The following ERBB4 variants were observed in gnomAD, a reference collection of about 807,000 sequenced individuals.
ERBB4 encodes the protein erb-b2 receptor tyrosine kinase 4, also known as receptor tyrosine-protein kinase erbB-4.
Under a neutral mutation model 158.0 loss-of-function variants are expected in ERBB4, and 42 were observed. The observed-to-expected ratio is 0.27, with a 90% CI of 0.21 to 0.34. The LOEUF is 0.34. Ranked by LOEUF, ERBB4 falls within the 10% of genes least tolerant of loss-of-function variation. ERBB4 has a pLI of 1.00. For missense variants in ERBB4, 1,333 were observed against 1,624.1 expected, an observed-to-expected ratio of 0.82 and a Z score of 3.08; for synonymous variants, 583 against 558.7, an observed-to-expected ratio of 1.04 and a Z score of -0.61.
chr2:212,192,047 T>TATTATATGTTATAA (rs1559707798), intron 1 of ERBB4, among the ~76,000 whole-genome samples: 3 of 87,484 alleles, frequency 3.4e-5, no homozygotes, highest in Non-Finnish European at 7.5e-5. Flanking sequence ...GTTATATATA[T>TATTATATGTTATAA]GTTATATGTT....
intron 20 of ERBB4, among the ~76,000 whole-genome samples, chr2:211,441,319 G>A (rs185037544): frequency 6.6e-6 from 1 of 152,156 alleles, no homozygotes; most frequent in East Asian, 1.9e-4. Flanking sequence ...CTTAAAATGT[G>A]AATCATCTAT....
chr2:211,403,737 T>C (rs2063092626), intron 25 of ERBB4, among the ~76,000 whole-genome samples: 1 of 152,146 alleles, frequency 6.6e-6, no homozygotes, highest in Non-Finnish European at 1.5e-5. Context: ...GTGCATTGAT[T>C]TCCTTTCTCT....
intron 1 of ERBB4, among the ~76,000 whole-genome samples, chr2:212,413,770 T>C (rs757084691): frequency 6.6e-6 from 1 of 152,190 alleles, no homozygotes; most frequent in African/African-American, 2.4e-5. Context: ...TATTTTTATA[T>C]GACATGTACA....
chr2:211,929,181 G>A (rs909735578), intron 3 of ERBB4, among the ~76,000 whole-genome samples: 1 of 151,532 alleles, frequency 6.6e-6, no homozygotes. Flanking sequence ...GCTGACTGTG[G>A]CAGGTATCTC....
intron 1 of ERBB4, among the ~76,000 whole-genome samples, chr2:212,404,913 T>C (rs111248977): frequency 0.034 from 5,236 of 152,210 alleles, 149 homozygotes; most frequent in East Asian, 0.057. Context: ...TTTGGCTTTC[T>C]GTTCCTACAT....
At chr2:212,114,112 C>T (rs1263431814) in intron 2 of ERBB4, among the ~76,000 whole-genome samples, 1 of 152,144 alleles carries the variant, frequency 6.6e-6, no homozygotes, top group African/African-American at 2.4e-5. Context: ...TTGTCTGGTA[C>T]TTGTTATTTA....
intron 13 of ERBB4, among the ~76,000 whole-genome samples, chr2:211,677,268 T>C (rs1391474837): frequency 6.6e-6 from 1 of 152,154 alleles, no homozygotes; most frequent in Admixed American, 6.6e-5. Context: ...TCCAAAACTA[T>C]TGAAAATACT....
At chr2:211,884,865 T>C (rs1163181963) in intron 3 of ERBB4, among the ~76,000 whole-genome samples, 2 of 152,192 alleles carry the variant, frequency 1.3e-5, no homozygotes, top group Non-Finnish European at 2.9e-5. Context: ...TTGAGCAAAT[T>C]CCAAAAATTC....
In ERBB4 at chr2:211,895,932, GGCT is replaced by G. The variant is rs2079086929; in HGVS notation, c.421+51495_421+51497del. 3.9e-5 allele frequency among the ~76,000 whole-genome samples: 6 copies of G among 152,230 alleles called. 1 individual carries two copies. The South Asian group carries it at 6.2e-4, about 16-fold the overall frequency. ...ACAGTTGTTCAGTCTTCACTGCACT[GGCT>G]TCGTTCCAGTTTCTTGGTCTCCTTG... On this transcript the variant is annotated intron_variant, in intron 3 of 27. Coordinates refer to ENST00000342788, the MANE Select transcript of ERBB4 (RefSeq NM_005235.3).
rs190452538 is a variant in ERBB4 at position 211,590,923 on chromosome 2, T to A, written c.2301+28254A>T. ...GGAAGAGCAGCAACTTAAAAACTTTTTGAAACTTTCTCTACAATGATGATT... is the reference window on the plus strand; with the variant it reads ...GGAAGAGCAGCAACTTAAAAACTTTATGAAACTTTCTCTACAATGATGATT... On this transcript the variant is annotated intron_variant, in intron 19 of 27. Transcript: ENST00000342788. 2.6e-4 allele frequency among the ~76,000 whole-genome samples: 40 copies of A among 152,316 alleles called. No individual in the cohort carries two copies. The East Asian group carries it at 5.8e-3, about 22-fold the overall frequency.
At chr2:212,463,222 T>C (rs763572020) in intron 1 of ERBB4, among the ~76,000 whole-genome samples, 1 of 152,036 alleles carries the variant, frequency 6.6e-6, no homozygotes, top group Non-Finnish European at 1.5e-5. Flanking sequence ...ACGACAATTA[T>C]ATATTTTCAA....
chr2:211,700,624 A>C (rs1191389985), intron 12 of ERBB4, among the ~76,000 whole-genome samples: 1 of 152,170 alleles, frequency 6.6e-6, no homozygotes, highest in Non-Finnish European at 1.5e-5. Context: ...TAATAAATCA[A>C]TTAATTCACT....
intron 3 of ERBB4, among the ~76,000 whole-genome samples, chr2:211,890,606 C>G (rs1259139008): frequency 6.9e-6 from 1 of 143,922 alleles, no homozygotes; most frequent in Non-Finnish European, 1.5e-5. Flanking sequence ...AAGACACAGA[C>G]TGGCAAATTG....
intron 1 of ERBB4, among the ~76,000 whole-genome samples, chr2:212,191,675 CGT>C (rs1435539273): frequency 6.1e-5 from 9 of 146,682 alleles, no homozygotes; most frequent in African/African-American, 1.5e-4. Flanking sequence ...TCATATATCG[CGT>C]GTGTTATACA....
intron 3 of ERBB4, among the ~76,000 whole-genome samples, chr2:211,907,716 T>TA (rs1420347663): frequency 8.0e-5 from 12 of 150,732 alleles, no homozygotes; most frequent in South Asian, 4.2e-4. Context: ...TATACCTATT[T>TA]AAAAAAAAAT....
intron 3 of ERBB4, among the ~76,000 whole-genome samples, chr2:211,939,187 A>G (rs2080414946): frequency 6.6e-6 from 1 of 152,158 alleles, no homozygotes; most frequent in Admixed American, 6.5e-5. Flanking sequence ...AGCCAATTTA[A>G]TGGTTCACTG....
At chr2:211,432,106 G>A (rs745572977) in intron 20 of ERBB4, among the ~76,000 whole-genome samples, 4 of 152,112 alleles carry the variant, frequency 2.6e-5, no homozygotes, top group Non-Finnish European at 5.9e-5. Context: ...TATATTTGAT[G>A]ATTTTTGTGG....
intron 1 of ERBB4, among the ~76,000 whole-genome samples, chr2:212,370,693 T>C (rs1049073302): frequency 2.0e-5 from 3 of 152,146 alleles, no homozygotes; most frequent in Non-Finnish European, 4.4e-5. Context: ...CAAGTCTTAC[T>C]ACTATTTTAT....
At chr2:211,414,500 T>TAAAAAAAAAAAAA (rs71047174) in intron 25 of ERBB4, among the ~76,000 whole-genome samples, 12 of 102,098 alleles carry the variant, frequency 1.2e-4, no homozygotes, top group African/African-American at 2.2e-4. Context: ...CAGTCTCAAT[T>TAAAAAAAAAAAAA]AAAAAAAAAA....
Sources: gnomAD v4.1 joint callset for allele counts (sites outside exome capture counted in the v4.1 genomes callset) on GRCh38, gnomAD v4.1.1 for gene constraint, MANE v1.5 for transcripts, NCBI Gene and HGNC (gene_info 2026-07-23, HGNC 2026-07-21) for gene names.